SH3KBP1: variants seen among roughly 807,000 people sequenced by gnomAD.
SH3KBP1 encodes SH3 domain containing kinase binding protein 1.
SH3KBP1 carries 8 observed loss-of-function variants against 50.1 expected under a neutral mutation model. The ratio of observed to expected loss-of-function variants is 0.16; its 90% confidence interval spans 0.09 to 0.29. The LOEUF (loss-of-function observed/expected upper bound fraction) is 0.29, where lower values mean the gene tolerates loss of function less well. Ranked by LOEUF, SH3KBP1 falls within the 10% of genes least tolerant of loss-of-function variation. The pLI is 1.00. For synonymous variants in SH3KBP1, 227 were observed against 218.6 expected, an observed-to-expected ratio of 1.04 and a Z score of -0.34; for missense variants, 377 against 535.2, an observed-to-expected ratio of 0.70 and a Z score of 2.92.
At chrX:19,744,784 C>T (rs760143601) in intron 3 of SH3KBP1, among the ~76,000 whole-genome samples, 1 of 112,355 alleles carries the variant, frequency 8.9e-6, no homozygotes, top group Non-Finnish European at 1.9e-5. Flanking sequence ...AAGAGATAAT[C>T]ATCTGAAAAA....
intron 3 of SH3KBP1, among the ~76,000 whole-genome samples, chrX:19,709,416 G>A (rs1238956896): frequency 9.0e-6 from 1 of 111,697 alleles, no homozygotes; most frequent in Non-Finnish European, 1.9e-5. Context: ...CCAACCACAT[G>A]AGTTAAAAAA....
chrX:19,706,732 AT>A, intron 4 of SH3KBP1, 148 bp downstream of exon 4: 1 of 469,215 alleles, frequency 2.1e-6, no homozygotes. Flanking sequence ...GGGGAAAGCC[AT>A]TTTCTCAGAC....
chrX:19,832,756 A>G (rs772181515), intron 2 of SH3KBP1, among the ~76,000 whole-genome samples: 2 of 111,463 alleles, frequency 1.8e-5, no homozygotes, highest in Admixed American at 9.4e-5. Flanking sequence ...CCATGCCCAC[A>G]CTGGCCTAGC....
At chrX:19,774,956 T>C (rs1241368757) in intron 2 of SH3KBP1, among the ~76,000 whole-genome samples, 1 of 111,252 alleles carries the variant, frequency 9.0e-6, no homozygotes, top group Non-Finnish European at 1.9e-5. Context: ...TCAAGGCTTC[T>C]GAGGGGAGCG....
At chrX:19,807,539 C>CAGCCACTCT (rs2067084949) in intron 2 of SH3KBP1, among the ~76,000 whole-genome samples, 1 of 111,298 alleles carries the variant, frequency 9.0e-6, no homozygotes, top group Admixed American at 9.6e-5. Context: ...CACACTCCAC[C>CAGCCACTCT]AGCCACTCTA....
intron 2 of SH3KBP1, among the ~76,000 whole-genome samples, chrX:19,778,202 G>A (rs1227954914): frequency 9.0e-6 from 1 of 111,123 alleles, no homozygotes; most frequent in East Asian, 2.8e-4. Context: ...GGAGGCCAAG[G>A]CGGGTGGATC....
intron 6 of SH3KBP1, among the ~76,000 whole-genome samples, chrX:19,657,077 T>C (rs2062298635): frequency 9.0e-6 from 1 of 111,666 alleles, no homozygotes; most frequent in Non-Finnish European, 1.9e-5. Context: ...TGTTGTTTTG[T>C]TTTCAACCAA....
At chrX:19,811,219 C>T (rs1422918763) in intron 2 of SH3KBP1, among the ~76,000 whole-genome samples, 1 of 111,797 alleles carries the variant, frequency 8.9e-6, no homozygotes, top group Non-Finnish European at 1.9e-5. Flanking sequence ...AAGATTGAAT[C>T]ATGAATATAA....
chrX:19,620,016 G>A (rs903916341), intron 8 of SH3KBP1, among the ~76,000 whole-genome samples: 2 of 111,521 alleles, frequency 1.8e-5, no homozygotes, highest in African/African-American at 6.5e-5. Flanking sequence ...CCTCCAGGAT[G>A]AGCATCCTAT....
chrX:19,540,100 G>A (rs2064838567), intron 16 of SH3KBP1, among the ~76,000 whole-genome samples: 1 of 111,669 alleles, frequency 9.0e-6, no homozygotes, highest in South Asian at 3.8e-4. Flanking sequence ...CCTCTGTGAT[G>A]TCCTGTCTAG....
chrX:19,787,521 T>C (rs374574444), intron 2 of SH3KBP1, among the ~76,000 whole-genome samples: 174 of 111,601 alleles, frequency 1.6e-3, no homozygotes, highest in Non-Finnish European at 2.7e-3. Context: ...ATTCAACAAA[T>C]TGAATCCTCT....
chrX:19,816,612 GC>G (rs2067364362), intron 2 of SH3KBP1, among the ~76,000 whole-genome samples: 1 of 111,102 alleles, frequency 9.0e-6, no homozygotes, highest in Non-Finnish European at 1.9e-5. Context: ...TTTGAGACCA[GC>G]CTGGGCAACA....
intron 6 of SH3KBP1, among the ~76,000 whole-genome samples, chrX:19,675,674 G>A (rs770062585): frequency 1.8e-5 from 2 of 111,733 alleles, no homozygotes; most frequent in Admixed American, 9.5e-5. Context: ...TTATAGGCGT[G>A]AGCCACCACA....
chrX:19,552,683 C>G (rs568540244), intron 13 of SH3KBP1, among the ~76,000 whole-genome samples: 2 of 110,483 alleles, frequency 1.8e-5, no homozygotes, highest in South Asian at 7.8e-4. Flanking sequence ...TTCTCCAACT[C>G]AGCTGCACGG....
At chrX:19,665,100 A>G (rs1602911333) in intron 6 of SH3KBP1, among the ~76,000 whole-genome samples, 1 of 112,112 alleles carries the variant, frequency 8.9e-6, no homozygotes, top group Non-Finnish European at 1.9e-5. Context: ...GAGAGAGACA[A>G]TGAGAACCCA....
chrX:19,761,093 C>T (rs1313030743), intron 2 of SH3KBP1, among the ~76,000 whole-genome samples: 1 of 95,172 alleles, frequency 1.1e-5, no homozygotes, highest in African/African-American at 3.9e-5. Flanking sequence ...GACAGCTGGG[C>T]AGCAGAGTGG....
chrX:19,637,686 C>G (rs1199440054), intron 7 of SH3KBP1, among the ~76,000 whole-genome samples: 1 of 111,324 alleles, frequency 9.0e-6, no homozygotes, highest in African/African-American at 3.3e-5. Context: ...CTTCCCAGAC[C>G]TCTTCCCTGC....
intron 3 of SH3KBP1, among the ~76,000 whole-genome samples, chrX:19,720,531 TA>T (rs2064028553): frequency 8.9e-6 from 1 of 112,389 alleles, no homozygotes; most frequent in African/African-American, 3.2e-5. Flanking sequence ...GAAATGAGAA[TA>T]CAGAATTTCA....
intron 2 of SH3KBP1, among the ~76,000 whole-genome samples, chrX:19,788,286 C>CAAAAAAAAAAAAAAAAAAAA (rs1170966414): frequency 4.6e-5 from 3 of 65,711 alleles, no homozygotes; most frequent in East Asian, 4.0e-4. Context: ...AAAAAAAAAA[C>CAAAAAAAAAAAAAAAAAAAA]AAAAAAAAAA....
Sources: allele counts gnomAD v4.1 joint callset (sites outside exome capture counted in the v4.1 genomes callset), GRCh38; gene constraint gnomAD v4.1.1; transcripts MANE v1.5; gene names NCBI Gene and HGNC (gene_info 2026-07-23, HGNC 2026-07-21).